The following KARS1 variants were observed in gnomAD, a reference collection of about 807,000 sequenced individuals.
KARS1 encodes the protein lysyl-tRNA synthetase 1, also known as lysine--tRNA ligase.
Under a neutral mutation model 63.9 loss-of-function variants are expected in KARS1, and 50 were observed. The observed-to-expected ratio is 0.78, with a 90% CI of 0.62 to 0.99. The LOEUF is 0.99. Among genes scored for constraint, KARS1 ranks in the 50% least tolerant of loss-of-function variants. KARS1 has a pLI of 0.00. For synonymous variants in KARS1, 320 were observed against 264.6 expected, an observed-to-expected ratio of 1.21 and a Z score of -2.03; for missense variants, 816 against 754.5, an observed-to-expected ratio of 1.08 and a Z score of -0.95.
chr16:75,636,107 AAAAG>A lies in KARS1; in HGVS notation c.483-13_483-10del. On this transcript the variant is annotated splice_polypyrimidine_tract_variant and intron_variant, in intron 4 of 13. Transcript: ENST00000302445. ...CTTCTGATTTATAATTTCTGAGTGA[AAAAG>A]AAATGTAATTCAGTAACAACAATTC... 6.7e-7 allele frequency: 1 copy of A among 1,498,634 alleles called. No homozygotes were observed. The highest frequency in any genetic ancestry group is 9.3e-7 in the Non-Finnish European group (1 of 1,077,168). The allele number at this position is 1,498,634 out of a possible 1,614,324, so 92.8% of individuals were successfully genotyped here.
Position 75,635,801 on chromosome 16 carries a change from G to C in KARS1, c.674C>G (p.Thr225Arg), listed in dbSNP as rs1199821730. ...GTCCAAGTATCTCTGGCGATACCTT[G>C]TTTCCTAAACCAAAAGCAGCAGTTA... ...HLHFGLKDKE[T>R]RYRQRYLDLI... The change falls in exon 6 of 14, where the codon ACA (threonine) becomes AGA (arginine). Residue 225 changes from threonine to arginine, a missense_variant. Transcript: ENST00000302445. The C allele has an allele frequency of 1.9e-6, 3 of 1,614,068 alleles. No individual in the cohort carries two copies. The highest frequency in any genetic ancestry group is 2.2e-5 in the South Asian group (2 of 91,088).
chr16:75,647,085 G>A (rs372527364), intron 1 of KARS1, among the ~76,000 whole-genome samples: 7 of 152,264 alleles, frequency 4.6e-5, no homozygotes, highest in African/African-American at 1.7e-4. Context: ...ACCCATACGG[G>A]TAGATGCATG....
chr16:75,644,553 T>C (rs2082260563), intron 1 of KARS1: 8 of 843,950 alleles, frequency 9.5e-6, no homozygotes, highest in Non-Finnish European at 1.1e-5. Flanking sequence ...AGGGGGACCA[T>C]GCTTCTACTA....
rs2082225994 is a variant in KARS1, at chr16:75,641,662, C to G, written c.124G>C (p.Glu42Gln). 6.2e-7 allele frequency: 1 copy of G among 1,613,856 alleles called. No homozygotes were observed. Among genetic ancestry groups the G allele is most frequent in the Admixed American group, 1.7e-5 (1 of 60,000 alleles). The part of the protein sequence containing the change: ...KVAEKEAKQK[E>Q]LSEKQLSQAT... ...TGGCTTAGCTGTTTCTCACTGAGCTCTTTCTGTTTGGCCTCCTTCTCTGCT... is the reference window on the plus strand; with the variant it reads ...TGGCTTAGCTGTTTCTCACTGAGCTGTTTCTGTTTGGCCTCCTTCTCTGCT... The change falls in exon 2 of 14, where the codon GAG (glutamate) becomes CAG (glutamine). Residue 42 changes from glutamate (E) to glutamine (Q), a missense_variant. Physicochemically the swap from Glu to Gln is conservative, Grantham distance 29 (BLOSUM62 2). Coordinates refer to ENST00000302445, the MANE Select transcript of KARS1 (RefSeq NM_005548.3).
chr16:75,640,838 CA>C (rs771024401), intron 2 of KARS1, among the ~76,000 whole-genome samples: 3 of 152,190 alleles, frequency 2.0e-5, no homozygotes, highest in East Asian at 1.9e-4. Context: ...TCTGCTGTTT[CA>C]GGGGGAAAGC....
In KARS1 at chr16:75,630,177, A is replaced by G. The variant is rs144870709; in HGVS notation, c.1424+246T>C. Among the ~76,000 whole-genome samples, 849 of 152,350 alleles carry G rather than the reference A, an allele frequency of 5.6e-3. 8 individuals carry two copies. The highest frequency in any genetic ancestry group is 0.02 in the African/African-American group (814 of 41,592). On this transcript the variant is annotated intron_variant, in intron 11 of 13. Transcript: ENST00000302445. ...CAACCACCATGCTGAAGGGAAGCCC[A>G]GGCTGTGCTGCCAGACAGGCCACAT...
chr16:75,636,462 G>T lies in KARS1; in HGVS notation c.474C>A (p.Ala158=). The change falls in exon 4 of 14, where the codon GCC becomes GCA. Residue 158 remains alanine, a synonymous_variant. Coordinates refer to ENST00000302445, the MANE Select transcript of KARS1 (RefSeq NM_005548.3). ...RGEGVKLQVM[A]NSRNYKSEEE... Reference sequence around the variant, plus strand: ...TGGGTATTTCGAGATACCTGGAATTGGCCATGACTTGCAACTTCACCCCCT... The same window carrying T: ...TGGGTATTTCGAGATACCTGGAATTTGCCATGACTTGCAACTTCACCCCCT... 2 of 1,606,236 alleles carry T rather than the reference G, an allele frequency of 1.2e-6. No individual in the cohort carries two copies. Among genetic ancestry groups the T allele is most frequent in the East Asian group, 2.2e-5 (1 of 44,842 alleles).
Position 75,630,452 on chromosome 16 carries a change from G to C in KARS1, c.1395C>G (p.His465Gln), listed in dbSNP as rs1278417843. ...TAGCCAAAGGGCTCATTATCTGTGG[G>C]TGATCACAGATGAATGTAGGATTGA... ...TCINPTFICD[H>Q]PQIMSPLAKW... The change falls in exon 11 of 14, where the codon CAC (histidine) becomes CAG (glutamine). Residue 465 changes from histidine (H) to glutamine (Q), a missense_variant. Coordinates refer to ENST00000302445, the MANE Select transcript of KARS1 (RefSeq NM_005548.3). The C allele has an allele frequency of 6.2e-7, 1 of 1,609,620 alleles. No homozygotes were observed. The highest frequency in any genetic ancestry group is 8.5e-7 in the Non-Finnish European group (1 of 1,176,650).
chr16:75,644,590 T>C (rs2082261031), intron 1 of KARS1: 2 of 571,184 alleles, frequency 3.5e-6, no homozygotes. Context: ...AACTTAAGAC[T>C]GTCTTAACTG....
intron 1 of KARS1, chr16:75,644,306 G>C (rs572345681): frequency 3.2e-5 from 51 of 1,604,774 alleles, no homozygotes; most frequent in Non-Finnish European, 4.2e-5. Flanking sequence ...AAAATGACTT[G>C]TCCTTGTGAG....
intron 3 of KARS1, among the ~76,000 whole-genome samples, chr16:75,637,656 G>A (rs941425937): frequency 7.9e-5 from 12 of 151,868 alleles, no homozygotes; most frequent in Non-Finnish European, 1.8e-4. Context: ...GCGCATGCCT[G>A]TAATCCCAGC....
At chr16:75,632,398 C>G (rs999105936) in intron 7 of KARS1, among the ~76,000 whole-genome samples, 57 of 152,328 alleles carry the variant, frequency 3.7e-4, no homozygotes, top group African/African-American at 1.3e-3. Context: ...CATCCCCCAT[C>G]ATTGAGTCTG....
At chr16:75,643,667 C>T (rs2082249313) in intron 1 of KARS1, among the ~76,000 whole-genome samples, 1 of 152,196 alleles carries the variant, frequency 6.6e-6, no homozygotes, top group African/African-American at 2.4e-5. Context: ...GCGTGAGCCA[C>T]CACGCCTGGC....
chr16:75,638,478 G>C (rs1485124484), intron 3 of KARS1, among the ~76,000 whole-genome samples: 1 of 151,832 alleles, frequency 6.6e-6, no homozygotes, highest in Non-Finnish European at 1.5e-5. Context: ...GAGTGAGTAC[G>C]TGCCGTGAAA....
chr16:75,642,516 T>C (rs1291415750), intron 1 of KARS1, among the ~76,000 whole-genome samples: 3 of 152,210 alleles, frequency 2.0e-5, no homozygotes, highest in African/African-American at 7.2e-5. Context: ...CCAGATCTAA[T>C]ACATGATAAG....
chr16:75,642,318 T>A (rs907968546), intron 1 of KARS1, among the ~76,000 whole-genome samples: 2 of 149,064 alleles, frequency 1.3e-5, no homozygotes, highest in African/African-American at 4.9e-5. Flanking sequence ...TTCTCGTGCC[T>A]CAGCCTCCTG....
chr16:75,631,607 T>C lies in KARS1; in HGVS notation c.1079-18A>G. Reference sequence around the variant, plus strand: ...CACCATCCCTGGGAGAGAAACCTGTTATTTAGCGGGAATGAAATCCAGGCA... The same window carrying C: ...CACCATCCCTGGGAGAGAAACCTGTCATTTAGCGGGAATGAAATCCAGGCA... On this transcript the variant is annotated intron_variant, in intron 8 of 13. Coordinates refer to ENST00000302445, the MANE Select transcript of KARS1 (RefSeq NM_005548.3). 6.2e-7 allele frequency: 1 copy of C among 1,614,076 alleles called. No individual in the cohort carries two copies. Among genetic ancestry groups the C allele is most frequent in the Non-Finnish European group, 8.5e-7 (1 of 1,179,964 alleles).
Position 75,636,110 on chromosome 16 carries a change from A to G in KARS1, c.483-12T>C. 1 of 1,490,768 alleles carries G rather than the reference A, an allele frequency of 6.7e-7. No homozygotes were observed. Among genetic ancestry groups the G allele is most frequent in the Non-Finnish European group, 9.3e-7 (1 of 1,070,420 alleles). The allele number at this position is 1,490,768 out of a possible 1,614,324, so 92.3% of individuals were successfully genotyped here. ...CTGATTTATAATTTCTGAGTGAAAA[A>G]GAAATGTAATTCAGTAACAACAATT... On this transcript the variant is annotated splice_polypyrimidine_tract_variant and intron_variant, in intron 4 of 13. Coordinates refer to ENST00000302445, the MANE Select transcript of KARS1 (RefSeq NM_005548.3).
At chr16:75,636,932 A>G (rs968581247) in intron 3 of KARS1, among the ~76,000 whole-genome samples, 3 of 141,780 alleles carry the variant, frequency 2.1e-5, no homozygotes, top group African/African-American at 8.0e-5. Context: ...GAGCCCCCAC[A>G]CCCGGCCTGC....
Sources: allele counts gnomAD v4.1 joint callset (sites outside exome capture counted in the v4.1 genomes callset), GRCh38; gene constraint gnomAD v4.1.1; transcripts MANE v1.5; gene names NCBI Gene and HGNC (gene_info 2026-07-23, HGNC 2026-07-21).